ANK2: variants seen among roughly 807,000 people sequenced by gnomAD.
The protein encoded by ANK2 is ankyrin 2.
A neutral mutation model predicts 360.5 loss-of-function variants in ANK2; 83 were observed. The observed-to-expected ratio is 0.23, with a 90% CI of 0.19 to 0.28. The LOEUF (loss-of-function observed/expected upper bound fraction) is 0.28. ANK2 is among the 10% of genes least tolerant of loss of function. ANK2 has a pLI of 1.00. For synonymous variants in ANK2, 1,740 were observed against 1,759.5 expected, an observed-to-expected ratio of 0.99 and a Z score of 0.28; for missense variants, 4,201 against 4,795.7, an observed-to-expected ratio of 0.88 and a Z score of 3.66.
chr4:113,298,538 A>G (rs191724593), intron 22 of ANK2, among the ~76,000 whole-genome samples: 1 of 152,212 alleles, frequency 6.6e-6, no homozygotes, highest in Admixed American at 6.5e-5. Flanking sequence ...ACTATTTGTA[A>G]AGCAGAATGT....
chr4:113,162,077 G>C (rs1302836626), intron 1 of ANK2, among the ~76,000 whole-genome samples: 1 of 152,010 alleles, frequency 6.6e-6, no homozygotes, highest in Non-Finnish European at 1.5e-5. Context: ...CCAATTTTAG[G>C]GTATTCTGTT....
intron 1 of ANK2, among the ~76,000 whole-genome samples, chr4:112,853,600 C>G (rs1039705009): frequency 9.2e-5 from 14 of 152,136 alleles, no homozygotes; most frequent in Admixed American, 4.6e-4. Flanking sequence ...CTTGTCTTAC[C>G]TATATCCACA....
At chr4:112,773,697 A>G in the ANK2 span, among the ~76,000 whole-genome samples, 1 of 152,248 alleles carries the variant, frequency 6.6e-6, no homozygotes, top group African/African-American at 2.4e-5. Context: ...TCATTAGCCC[A>G]GCCTTTATGT....
intron 1 of ANK2, among the ~76,000 whole-genome samples, chr4:113,097,430 C>T (rs1383347851): frequency 1.3e-5 from 2 of 152,038 alleles, no homozygotes; most frequent in African/African-American, 2.4e-5. Flanking sequence ...GAGCTATTGT[C>T]TAAGAGTGGT....
chr4:112,871,662 G>A (rs1052200353), intron 1 of ANK2, among the ~76,000 whole-genome samples: 4 of 152,176 alleles, frequency 2.6e-5, no homozygotes, highest in African/African-American at 4.8e-5. Context: ...GTAGTGGTGA[G>A]AGCAGACCTT....
chr4:113,289,462 T>C (rs1186733505), intron 20 of ANK2, among the ~76,000 whole-genome samples: 1 of 152,086 alleles, frequency 6.6e-6, no homozygotes, highest in Non-Finnish European at 1.5e-5. Flanking sequence ...TCTCCCACCT[T>C]GGCCAACCAA....
intron 27 of ANK2, 109 bp downstream of exon 27, chr4:113,330,579 G>GT (rs2092150824): frequency 9.9e-6 from 11 of 1,106,548 alleles, no homozygotes; most frequent in Non-Finnish European, 1.5e-5. Flanking sequence ...TTTGAAAGAG[G>GT]ATCAGCACCA....
At chr4:113,235,513 T>C (rs1213973845) in intron 5 of ANK2, among the ~76,000 whole-genome samples, 1 of 152,160 alleles carries the variant, frequency 6.6e-6, no homozygotes. Context: ...GTCTCTAGAA[T>C]GCAGTCCTGG....
At position 113,118,595 on chromosome 4, in the gene ANK2, A is replaced by G. The variant is rs895456482; in HGVS notation, c.85-55821A>G. ...GACTGTTACTAGGCTACAGAAATAA[A>G]ATTAGCAGTATATAATGATTTCCCT... On this transcript the variant is annotated intron_variant, in intron 1 of 45. Transcript: ENST00000357077. Among the ~76,000 whole-genome samples the G allele has an allele frequency of 2.6e-5, 4 of 152,162 alleles. No individual in the cohort carries two copies. In the East Asian group the frequency reaches 5.8e-4, roughly 22 times the overall value.
the ANK2 span, among the ~76,000 whole-genome samples, chr4:112,753,690 T>C: frequency 2.0e-5 from 3 of 152,134 alleles, no homozygotes; most frequent in East Asian, 1.9e-4. Flanking sequence ...CCCTCACTGC[T>C]ACACTCCCAC....
intron 13 of ANK2, 66 bp downstream of exon 13, chr4:113,258,477 T>G: frequency 6.8e-7 from 1 of 1,462,330 alleles, no homozygotes; most frequent in Non-Finnish European, 9.6e-7. Context: ...ATTGTGGGTG[T>G]GTGTATGTGT....
At chr4:112,724,806 G>A in the ANK2 span, among the ~76,000 whole-genome samples, 1 of 152,086 alleles carries the variant, frequency 6.6e-6, no homozygotes, top group Non-Finnish European at 1.5e-5. Context: ...CTTCTAGAGG[G>A]ATAAATATAC....
rs1554569481 is a variant in ANK2, at chr4:113,358,129, T to G, written c.9511T>G (p.Ser3171Ala). 1 of 1,614,056 alleles carries G rather than the reference T, an allele frequency of 6.2e-7. No individual in the cohort carries two copies. The highest frequency in any genetic ancestry group is 1.1e-5 in the South Asian group (1 of 91,088). The part of the protein sequence containing the change: ...TSAESLALSE[S>A]KETVDDEADL... Reference sequence around the variant, plus strand: ...AGCTGAATCACTAGCACTTTCAGAATCAAAAGAAACAGTGGATGATGAGGC... The same window carrying G: ...AGCTGAATCACTAGCACTTTCAGAAGCAAAAGAAACAGTGGATGATGAGGC... Residue 3171 changes from serine to alanine, a missense_variant, in exon 38 of 46, where the codon TCA becomes GCA. Coordinates refer to ENST00000357077, the MANE Select transcript of ANK2 (RefSeq NM_001148.6).
At chr4:113,298,000 C>G (rs1041313640) in intron 22 of ANK2, among the ~76,000 whole-genome samples, 10 of 151,894 alleles carry the variant, frequency 6.6e-5, no homozygotes, top group Admixed American at 5.2e-4. Flanking sequence ...TGTCCAGGCT[C>G]GTCTCAAACG....
chr4:113,218,146 C>CCAGGT (rs60645463), intron 4 of ANK2, among the ~76,000 whole-genome samples: 16,275 of 151,988 alleles, frequency 0.11, 1,001 homozygotes, highest in East Asian at 0.18. Context: ...ATTTATAACC[C>CCAGGT]CTTGTTCTAA....
the ANK2 span, among the ~76,000 whole-genome samples, chr4:112,756,076 A>G: frequency 6.6e-6 from 1 of 151,940 alleles, no homozygotes; most frequent in East Asian, 1.9e-4. Context: ...CATCTCTACT[A>G]AAAATACAAA....
At chr4:113,373,564 A>G (rs777865551) in intron 45 of ANK2, 115 bp downstream of exon 45, 1 of 1,178,072 alleles carries the variant, frequency 8.5e-7, no homozygotes, top group South Asian at 1.2e-5. Context: ...TTCATGTGGC[A>G]GTTTGCTCTT....
chr4:112,761,111 G>A, the ANK2 span, among the ~76,000 whole-genome samples: 5 of 151,844 alleles, frequency 3.3e-5, no homozygotes, highest in Middle Eastern at 3.4e-3. Context: ...CCGGCCATGC[G>A]TTCCTTCTTT....
At chr4:112,732,998 C>T in the ANK2 span, among the ~76,000 whole-genome samples, 3 of 152,172 alleles carry the variant, frequency 2.0e-5, no homozygotes, top group South Asian at 6.2e-4. Flanking sequence ...GCCAGTAAAT[C>T]ACGAGGTCAG....
Sources: gnomAD v4.1 joint callset for allele counts (sites outside exome capture counted in the v4.1 genomes callset) on GRCh38, gnomAD v4.1.1 for gene constraint, MANE v1.5 for transcripts, NCBI Gene and HGNC (gene_info 2026-07-23, HGNC 2026-07-21) for gene names.